Variants in MUC17 observed in about 807,000 individuals in gnomAD.
MUC17 encodes the protein mucin-17.
In MUC17, 190 loss-of-function variants were observed where a neutral mutation model predicts 170.3. The observed-to-expected ratio is 1.12, with a 90% CI of 0.99 to 1.26. MUC17 has a LOEUF of 1.26. Among genes scored for constraint, MUC17 ranks in the 50% most tolerant of loss-of-function variants. MUC17 has a pLI of 0.00. For synonymous variants in MUC17, 2,325 were observed against 2,002.5 expected (o/e 1.16, Z -4.30); for missense variants, 6,415 against 5,530.0 (o/e 1.16, Z -5.08).
Position 101,037,835 on chromosome 7 carries a change from G to A in MUC17, c.6419G>A (p.Ser2140Asn), listed in dbSNP as rs1302651987. 3 of 1,613,518 alleles carry A rather than the reference G, an allele frequency of 1.9e-6. No homozygotes were observed. Among genetic ancestry groups the A allele is most frequent in the Admixed American group, 3.3e-5 (2 of 59,968 alleles). ...CCTGTGATCACTTCTACTGAAGTCA[G>A]TTCATCTCCTATACCTACTGAAGGT... is the stretch of plus-strand genomic sequence containing the variant. ...NSPVITSTEV[S>N]SSPIPTEGTS... The change falls in exon 3 of 13, where the codon AGT (serine) becomes AAT (asparagine). Residue 2140 changes from serine (S) to asparagine (N), a missense_variant. Physicochemically the swap from Ser to Asn is conservative, Grantham distance 46. Coordinates refer to ENST00000306151, the MANE Select transcript of MUC17 (RefSeq NM_001040105.2).
In MUC17 at chr7:101,020,128, G is replaced by A. The variant is rs202213267; in HGVS notation, c.-8G>A. The stretch of plus-strand genomic sequence containing the variant: ...GTGACAGGCAAGTGAGACGTGCTCA[G>A]AGCTCCGATGCCAAGGCCAGGGACC... On this transcript the variant is annotated 5_prime_UTR_variant, in exon 1 of 13. Coordinates refer to ENST00000306151, the MANE Select transcript of MUC17 (RefSeq NM_001040105.2). 556 of 1,592,040 alleles carry A rather than the reference G, an allele frequency of 3.5e-4. 3 individuals are homozygous for A. The African/African-American group carries it at 6.7e-3, about 19-fold the overall frequency.
intron 11 of MUC17, among the ~76,000 whole-genome samples, chr7:101,055,384 T>C (rs902329416): frequency 8.6e-5 from 13 of 152,040 alleles, no homozygotes; most frequent in South Asian, 2.1e-4. Flanking sequence ...GTTTTGTGTA[T>C]AGCTGTACTC....
rs746654688 is a variant in MUC17, at chr7:101,035,946, T to C, written c.4530T>C (p.Ser1510=). Residue 1510 remains serine, a synonymous_variant, in exon 3 of 13, where the codon AGT becomes AGC. Coordinates refer to ENST00000306151, the MANE Select transcript of MUC17 (RefSeq NM_001040105.2). Reference sequence around the variant, plus strand: ...CCAGCATAGCAATCTCAACGCCTAGTGAAGGAAGCACTGCATTAACAAGTA... The same window carrying C: ...CCAGCATAGCAATCTCAACGCCTAGCGAAGGAAGCACTGCATTAACAAGTA... ...EGTSIAISTP[S]EGSTALTSIP... is the part of the protein sequence containing the mutation. 1 of 1,612,608 alleles carries C rather than the reference T, an allele frequency of 6.2e-7. No homozygotes were observed. Among genetic ancestry groups the C allele is most frequent in the Non-Finnish European group, 8.5e-7 (1 of 1,179,294 alleles).
intron 1 of MUC17, among the ~76,000 whole-genome samples, chr7:101,025,777 G>A (rs998176371): frequency 8.1e-5 from 12 of 148,342 alleles, no homozygotes; most frequent in African/African-American, 2.5e-4. Flanking sequence ...CTGGGTGACA[G>A]AGCGAGATCT....
intron 1 of MUC17, among the ~76,000 whole-genome samples, chr7:101,029,293 T>G (rs554748665): frequency 2.6e-4 from 39 of 151,554 alleles, no homozygotes; most frequent in Admixed American, 2.0e-3. Flanking sequence ...GAGGCAGAGG[T>G]TGCAGTGAGC....
In MUC17 at chr7:101,033,362, T is replaced by G. The variant is rs1449212781; in HGVS notation, c.1946T>G (p.Leu649Arg). 3 of 1,612,672 alleles carry G rather than the reference T, an allele frequency of 1.9e-6. No individual in the cohort carries two copies. The highest frequency in any genetic ancestry group is 2.5e-6 in the Non-Finnish European group (3 of 1,179,542). ...TLVASSEAST[L>R]STTPVDSNTP... Reference sequence around the variant, plus strand: ...GTGGCCAGTTCTGAGGCTAGCACCCTTTCAACAACTCCTGTTGACTCCAAC... The same window carrying G: ...GTGGCCAGTTCTGAGGCTAGCACCCGTTCAACAACTCCTGTTGACTCCAAC... Residue 649 changes from leucine (L) to arginine (R), a missense_variant, in exon 3 of 13, where the codon CTT becomes CGT. Transcript: ENST00000306151.
Position 101,039,799 on chromosome 7 carries a change from G to A in MUC17, c.8383G>A (p.Ala2795Thr), listed in dbSNP as rs763656624. 1.2e-6 allele frequency: 2 copies of A among 1,609,062 alleles called. No homozygotes were observed. The highest frequency in any genetic ancestry group is 1.7e-6 in the Non-Finnish European group (2 of 1,177,050). Reference protein sequence around the residue: ...STEASSSPTTAEVTSMPTSTP... With the variant: ...STEASSSPTTTEVTSMPTSTP... ...TGAAGCCAGTTCCTCTCCTACAACT[G>A]CTGAAGTTACCAGCATGCCAACCTC... Residue 2795 changes from alanine (A) to threonine (T), a missense_variant, in exon 3 of 13, where the codon GCT becomes ACT. Ala to Thr is a moderately conservative substitution (Grantham distance 58, BLOSUM62 0). Coordinates refer to ENST00000306151, the MANE Select transcript of MUC17 (RefSeq NM_001040105.2).
At position 101,033,480 on chromosome 7, in the gene MUC17, T is replaced by G; in HGVS notation, c.2064T>G (p.Thr688=). 4 of 1,613,696 alleles carry G rather than the reference T, an allele frequency of 2.5e-6. No homozygotes were observed. The highest frequency in any genetic ancestry group is 2.5e-6 in the Non-Finnish European group (3 of 1,179,890). ...MPTSTYTEGS[T]PLTSMPVNTT... ...CCTCAACTTATACTGAAGGAAGCAC[T>G]CCATTAACAAGTATGCCTGTCAACA... The change falls in exon 3 of 13, where the codon ACT becomes ACG. Residue 688 remains threonine, a synonymous_variant. Transcript: ENST00000306151.
chr7:101,034,920 C>T lies in MUC17; in HGVS notation c.3504C>T (p.Ser1168=). The change falls in exon 3 of 13, where the codon AGC becomes AGT. Residue 1168 remains serine, a synonymous_variant. Transcript: ENST00000306151. ...CTCCGTTAGCAAGTATGCCTGTCAG[C>T]ACCACGCTGGTGGTCAGTTCTGAGG... The part of the protein sequence containing the change: ...GTTPLASMPV[S]TTLVVSSEAN... 5.0e-6 allele frequency: 8 copies of T among 1,613,456 alleles called. No homozygotes were observed. Among genetic ancestry groups the T allele is most frequent in the Non-Finnish European group, 5.9e-6 (7 of 1,179,964 alleles).
intron 12 of MUC17, 109 bp downstream of exon 12, chr7:101,056,379 A>G: frequency 1.3e-6 from 2 of 1,503,152 alleles, no homozygotes; most frequent in Admixed American, 4.1e-5. Flanking sequence ...TTTACAGTTT[A>G]TTGGTCCAGG....
At chr7:101,031,038 C>A in intron 1 of MUC17, 82 bp from the exon 2 acceptor site, 1 of 1,467,860 alleles carries the variant, frequency 6.8e-7, no homozygotes, top group South Asian at 1.5e-5. Flanking sequence ...CTTTCCAGGG[C>A]AGGGAGTAGA....
rs779796548 is a variant in MUC17 at position 101,031,102 on chromosome 7, C to G, written c.83-18C>G. Reference sequence around the variant, plus strand: ...AGATCATGGCTCTGGGATACTAACTCCCCTTTGTCTCTTTCAGACCTCAGT... The same window carrying G: ...AGATCATGGCTCTGGGATACTAACTGCCCTTTGTCTCTTTCAGACCTCAGT... On this transcript the variant is annotated intron_variant, in intron 1 of 12. Transcript: ENST00000306151. 2 of 1,599,366 alleles carry G rather than the reference C, an allele frequency of 1.3e-6. No individual in the cohort carries two copies. Among genetic ancestry groups the G allele is most frequent in the African/African-American group, 1.3e-5 (1 of 74,440 alleles).
intron 9 of MUC17, among the ~76,000 whole-genome samples, chr7:101,052,782 A>C (rs1206856776): frequency 6.6e-6 from 1 of 152,072 alleles, no homozygotes; most frequent in Non-Finnish European, 1.5e-5. Context: ...AAAAGCTTGG[A>C]GTGGGAATTG....
Position 101,041,411 on chromosome 7 carries a change from C to A in MUC17, c.9995C>A (p.Thr3332Asn). The change falls in exon 3 of 13, where the codon ACC becomes AAC. Residue 3332 changes from threonine (T) to asparagine (N), a missense_variant. By Grantham distance (65) the Thr-to-Asn change is moderately conservative (BLOSUM62 0). Transcript: ENST00000306151. ...PPIADGTSMP[T>N]STYSEGSTPL... Reference sequence around the variant, plus strand: ...ATTGCTGACGGTACTAGCATGCCAACCTCAACTTATAGTGAAGGAAGCACT... The same window carrying A: ...ATTGCTGACGGTACTAGCATGCCAAACTCAACTTATAGTGAAGGAAGCACT... 8 of 1,614,126 alleles carry A rather than the reference C, an allele frequency of 5.0e-6. No homozygotes were observed. The highest frequency in any genetic ancestry group is 1.3e-5 in the African/African-American group (1 of 75,018).
At chr7:101,030,009 A>G (rs1366299020) in intron 1 of MUC17, among the ~76,000 whole-genome samples, 1 of 152,212 alleles carries the variant, frequency 6.6e-6, no homozygotes, top group African/African-American at 2.4e-5. Flanking sequence ...CTTCCCAAGT[A>G]CTTAAGAAAT....
At chr7:101,045,656 G>A (rs1369444485) in intron 3 of MUC17, among the ~76,000 whole-genome samples, 1 of 152,180 alleles carries the variant, frequency 6.6e-6, no homozygotes, top group African/African-American at 2.4e-5. Flanking sequence ...GCTTCCCAAA[G>A]TGTTAGGATT....
chr7:101,057,550 C>G (rs1795069207), intron 12 of MUC17, among the ~76,000 whole-genome samples: 1 of 152,120 alleles, frequency 6.6e-6, no homozygotes, highest in Non-Finnish European at 1.5e-5. Context: ...TAGGACCAGC[C>G]TGGGCAACAA....
rs1468559190 is a variant in MUC17, at chr7:101,034,038, C to T, written c.2622C>T (p.Thr874=). The change falls in exon 3 of 13, where the codon ACC becomes ACT. Residue 874 remains threonine (T), a synonymous_variant. Transcript: ENST00000306151. ...CTTTAACAAGTATGCCTGTCAGCAC[C>T]ACACTGGTGGCCACTTCTGCAATCA... is the stretch of plus-strand genomic sequence containing the variant. ...RTPLTSMPVS[T]TLVATSAIST... 2.5e-6 allele frequency: 4 copies of T among 1,601,564 alleles called. No homozygotes were observed. The highest frequency in any genetic ancestry group is 3.4e-5 in the Admixed American group (2 of 59,204).
chr7:101,031,023 AG>A, intron 1 of MUC17, 96 bp from the exon 2 acceptor site: 1 of 1,415,886 alleles, frequency 7.1e-7, no homozygotes, highest in Non-Finnish European at 9.4e-7. Context: ...TTCAGGGGCC[AG>A]GGACTTTCCA....
Sources: allele counts gnomAD v4.1 joint callset (sites outside exome capture counted in the v4.1 genomes callset), GRCh38; gene constraint gnomAD v4.1.1; transcripts MANE v1.5; gene names NCBI Gene and HGNC (gene_info 2026-07-23, HGNC 2026-07-21).